Variants in MITF observed in about 807,000 individuals in gnomAD.
MITF encodes microphthalmia-associated transcription factor.
A neutral mutation model predicts 60.5 loss-of-function variants in MITF; 17 were observed. That is an observed-to-expected ratio of 0.28 (90% CI 0.19 to 0.42). The LOEUF (loss-of-function observed/expected upper bound fraction) is 0.42. Ranked by LOEUF, MITF falls within the 10% of genes least tolerant of loss-of-function variation. MITF has a pLI of 1.00. For missense variants in MITF, 622 were observed against 683.5 expected (o/e 0.91, Z 1.00); for synonymous variants, 260 against 248.5 (o/e 1.05, Z -0.43).
At chr3:69,785,249 A>C (rs985453024) in intron 1 of MITF, among the ~76,000 whole-genome samples, 1 of 149,998 alleles carries the variant, frequency 6.7e-6, no homozygotes, top group Non-Finnish European at 1.5e-5. Context: ...GTGCTGCGGC[A>C]GTGGTGTCCT....
intron 2 of MITF, among the ~76,000 whole-genome samples, chr3:69,915,176 A>C (rs773595158): frequency 1.6e-4 from 25 of 152,194 alleles, no homozygotes; most frequent in Non-Finnish European, 2.9e-4. Context: ...CTTTTCTCTA[A>C]AGCTCAGTAG....
chr3:69,930,400 A>G (rs1057505423), intron 2 of MITF, among the ~76,000 whole-genome samples: 1 of 152,204 alleles, frequency 6.6e-6, no homozygotes, highest in African/African-American at 2.4e-5. Flanking sequence ...AGTAAATAAC[A>G]TGTATTAAGA....
At chr3:69,852,350 C>T (rs532784845) in intron 1 of MITF, among the ~76,000 whole-genome samples, 2 of 152,322 alleles carry the variant, frequency 1.3e-5, no homozygotes, top group South Asian at 4.1e-4. Flanking sequence ...TAAGTATAAT[C>T]ACTATCCTGA....
intron 2 of MITF, among the ~76,000 whole-genome samples, chr3:69,928,627 TG>T (rs1179261146): frequency 6.6e-6 from 1 of 152,226 alleles, no homozygotes; most frequent in Admixed American, 6.5e-5. Context: ...GAGTGCAGTT[TG>T]GTATCTCTAG....
chr3:69,830,740 C>A (rs908168648), intron 1 of MITF, among the ~76,000 whole-genome samples: 1 of 151,992 alleles, frequency 6.6e-6, no homozygotes. Flanking sequence ...GATATGATAT[C>A]TGTCTCTCCC....
At chr3:69,847,834 A>G (rs1054436696) in intron 1 of MITF, among the ~76,000 whole-genome samples, 19 of 152,200 alleles carry the variant, frequency 1.2e-4, no homozygotes, top group African/African-American at 4.1e-4. Context: ...GCCATTGGGG[A>G]AGCCCTTCAT....
At chr3:69,934,879 AAC>A (rs1415996331) in intron 2 of MITF, among the ~76,000 whole-genome samples, 2 of 152,210 alleles carry the variant, frequency 1.3e-5, no homozygotes, top group Non-Finnish European at 2.9e-5. Context: ...TACTCTGTGA[AAC>A]ACAAAACAGT....
At chr3:69,957,536 C>T (rs1029225163) in intron 8 of MITF, among the ~76,000 whole-genome samples, 2 of 152,216 alleles carry the variant, frequency 1.3e-5, no homozygotes, top group South Asian at 4.1e-4. Context: ...CATTTTCAAA[C>T]CCGAAACATT....
intron 1 of MITF, among the ~76,000 whole-genome samples, chr3:69,870,077 G>A (rs1419843025): frequency 6.6e-6 from 1 of 150,780 alleles, no homozygotes; most frequent in African/African-American, 2.4e-5. Flanking sequence ...CCACCATGGA[G>A]ATGTATATAT....
In MITF at chr3:69,966,551, C is replaced by G. The variant is rs1316270855; in HGVS notation, c.*1303C>G. On this transcript the variant is annotated 3_prime_UTR_variant, in exon 10 of 10. Coordinates refer to ENST00000352241, the MANE Select transcript of MITF (RefSeq NM_001354604.2). ...TGGTCATTTAAATTGGGGTTTATTT[C>G]AGCAAACTTGTTGAATTTATTTTTA... 2 of 232,922 alleles carry G rather than the reference C, an allele frequency of 8.6e-6. No individual in the cohort carries two copies. The highest frequency in any genetic ancestry group is 4.4e-5 in the African/African-American group (2 of 45,310). 14.4% of individuals were successfully genotyped at this position (232,922 alleles called of 1,614,324 possible). A position where few individuals can be genotyped will look rare whatever the true frequency, so the allele number is the denominator to read the frequency against.
In MITF at chr3:69,966,913, A is replaced by G. The variant is rs2066702738; in HGVS notation, c.*1665A>G. ...AGGGGAAAGTTTCATGATGGTATCT[A>G]TAGTCAAGACGAACATGTAGCATGG... is the stretch of plus-strand genomic sequence containing the variant. On this transcript the variant is annotated 3_prime_UTR_variant, in exon 10 of 10. Coordinates refer to ENST00000352241, the MANE Select transcript of MITF (RefSeq NM_001354604.2). The G allele has an allele frequency of 4.3e-6, 1 of 232,658 alleles. No individual in the cohort carries two copies. Among genetic ancestry groups the G allele is most frequent in the South Asian group, 1.8e-4 (1 of 5,520 alleles). 14.4% of individuals were successfully genotyped at this position (232,658 alleles called of 1,614,324 possible).
chr3:69,946,938 G>A (rs1344686259), intron 5 of MITF, among the ~76,000 whole-genome samples: 1 of 151,774 alleles, frequency 6.6e-6, no homozygotes, highest in African/African-American at 2.4e-5. Context: ...TGTCCATCTC[G>A]CTGTCTATGG....
chr3:69,900,511 C>T (rs2064972278), intron 2 of MITF, among the ~76,000 whole-genome samples: 1 of 152,152 alleles, frequency 6.6e-6, no homozygotes, highest in Admixed American at 6.5e-5. Flanking sequence ...TTGTGCTCAT[C>T]CTGATTGACT....
chr3:69,920,224 TG>T (rs1266116196), intron 2 of MITF, among the ~76,000 whole-genome samples: 3 of 152,200 alleles, frequency 2.0e-5, no homozygotes, highest in Non-Finnish European at 4.4e-5. Context: ...TCTGGGAAGA[TG>T]CCCGTTGCCA....
intron 2 of MITF, among the ~76,000 whole-genome samples, chr3:69,934,031 G>C (rs776699754): frequency 6.6e-6 from 1 of 152,106 alleles, no homozygotes; most frequent in Non-Finnish European, 1.5e-5. Flanking sequence ...ATCTTCTCAG[G>C]GAGGGAAGTA....
At chr3:69,923,072 G>A (rs1446900344) in intron 2 of MITF, among the ~76,000 whole-genome samples, 5 of 152,142 alleles carry the variant, frequency 3.3e-5, no homozygotes, top group African/African-American at 1.2e-4. Flanking sequence ...TTATAATAAA[G>A]CACAAAAACA....
chr3:69,909,119 C>CG (rs1166407538), intron 2 of MITF, among the ~76,000 whole-genome samples: 1 of 151,784 alleles, frequency 6.6e-6, no homozygotes, highest in Non-Finnish European at 1.5e-5. Flanking sequence ...GGGAAGGACC[C>CG]GGGGGGTTGG....
chr3:69,938,128 G>C (rs2065887212), intron 3 of MITF, 79 bp downstream of exon 3: 1 of 1,450,970 alleles, frequency 6.9e-7, no homozygotes, highest in African/African-American at 1.4e-5. Context: ...ACACTTAACT[G>C]TGGACTCTAG....
chr3:69,764,429 C>A (rs1354968988), intron 1 of MITF, among the ~76,000 whole-genome samples: 2 of 152,134 alleles, frequency 1.3e-5, no homozygotes, highest in African/African-American at 4.8e-5. Flanking sequence ...CCTCATTTTG[C>A]TATTTTCTTG....
Sources: gnomAD v4.1 joint callset for allele counts (sites outside exome capture counted in the v4.1 genomes callset) on GRCh38, gnomAD v4.1.1 for gene constraint, MANE v1.5 for transcripts, NCBI Gene and HGNC (gene_info 2026-07-23, HGNC 2026-07-21) for gene names.